The following CHSY3 variants were observed in gnomAD, a reference collection of about 807,000 sequenced individuals.
CHSY3 encodes chondroitin sulfate synthase 3.
Under a neutral mutation model 67.2 loss-of-function variants are expected in CHSY3, and 35 were observed. The ratio of observed to expected loss-of-function variants is 0.52; its 90% confidence interval spans 0.40 to 0.69. The LOEUF (loss-of-function observed/expected upper bound fraction) is 0.69. CHSY3 is among the 30% of genes least tolerant of loss of function. CHSY3 has a pLI of 0.00. For missense variants in CHSY3, 1,069 were observed against 1,138.5 expected (o/e 0.94, Z 0.88); for synonymous variants, 474 against 434.7 (o/e 1.09, Z -1.12).
chr5:129,986,644 T>G (rs954365178), intron 2 of CHSY3, among the ~76,000 whole-genome samples: 1 of 152,100 alleles, frequency 6.6e-6, no homozygotes, highest in Non-Finnish European at 1.5e-5. Flanking sequence ...TTTATTTTAT[T>G]TATTTATTTA....
intron 2 of CHSY3, among the ~76,000 whole-genome samples, chr5:130,175,011 G>T (rs1229122989): frequency 1.3e-5 from 2 of 152,080 alleles, no homozygotes; most frequent in Admixed American, 1.3e-4. Flanking sequence ...CACTATTATT[G>T]TATGGGAATC....
intron 2 of CHSY3, among the ~76,000 whole-genome samples, chr5:129,961,404 A>G (rs1433546060): frequency 6.6e-6 from 1 of 151,972 alleles, no homozygotes; most frequent in African/African-American, 2.4e-5. Flanking sequence ...TTCAAATTGA[A>G]CTCTCATTTG....
At chr5:130,108,404 G>A (rs17692371) in intron 2 of CHSY3, among the ~76,000 whole-genome samples, 40,192 of 151,224 alleles carry the variant, frequency 0.27, 5,880 homozygotes, top group African/African-American at 0.39. Flanking sequence ...TCCAGAGTCT[G>A]TGCAAAGTAC....
At chr5:130,177,342 G>A (rs1770087016) in intron 2 of CHSY3, among the ~76,000 whole-genome samples, 1 of 151,862 alleles carries the variant, frequency 6.6e-6, no homozygotes, top group Non-Finnish European at 1.5e-5. Flanking sequence ...CTTCTGACCT[G>A]CTGAAATATC....
chr5:130,039,001 A>T (rs958195087), intron 2 of CHSY3, among the ~76,000 whole-genome samples: 10 of 152,174 alleles, frequency 6.6e-5, no homozygotes, highest in Non-Finnish European at 4.4e-5. Context: ...ATATTTCTAT[A>T]TCGTAACAGT....
At chr5:130,060,722 C>G (rs1765684379) in intron 2 of CHSY3, among the ~76,000 whole-genome samples, 1 of 152,052 alleles carries the variant, frequency 6.6e-6, no homozygotes, top group Non-Finnish European at 1.5e-5. Flanking sequence ...TTTCAGGATA[C>G]AAAAATCAGT....
chr5:130,044,277 A>G (rs1765083089), intron 2 of CHSY3, among the ~76,000 whole-genome samples: 1 of 152,234 alleles, frequency 6.6e-6, no homozygotes. Context: ...GGAGACCAAG[A>G]GAGCGGAGTG....
At chr5:129,983,792 AG>A (rs1763091823) in intron 2 of CHSY3, among the ~76,000 whole-genome samples, 1 of 152,120 alleles carries the variant, frequency 6.6e-6, no homozygotes, top group Non-Finnish European at 1.5e-5. Context: ...TCCAGCTTCC[AG>A]GAAATGAATT....
rs1212706558 is a variant in CHSY3, at chr5:130,186,320, A to G, written c.*529A>G. 1 of 152,620 alleles carries G rather than the reference A, an allele frequency of 6.6e-6. No homozygotes were observed. Among genetic ancestry groups the G allele is most frequent in the Non-Finnish European group, 1.5e-5 (1 of 68,040 alleles). 9.5% of individuals were successfully genotyped at this position (152,620 alleles called of 1,614,324 possible). A position where few individuals can be genotyped will look rare whatever the true frequency, so the allele number is the denominator to read the frequency against. ...AATTTTCTTCATCTTTAGAATTTTTAAAGTAAATGAATACCTATGATTGTA... is the reference window on the plus strand; with the variant it reads ...AATTTTCTTCATCTTTAGAATTTTTGAAGTAAATGAATACCTATGATTGTA... On this transcript the variant is annotated 3_prime_UTR_variant, in exon 3 of 3. Coordinates refer to ENST00000305031, the MANE Select transcript of CHSY3 (RefSeq NM_175856.5).
chr5:130,024,772 A>T (rs1036494017), intron 2 of CHSY3, among the ~76,000 whole-genome samples: 3 of 152,196 alleles, frequency 2.0e-5, no homozygotes, highest in Non-Finnish European at 4.4e-5. Context: ...AGATAGACTA[A>T]TTCAGACTGC....
At position 129,985,234 on chromosome 5, in the gene CHSY3, C is replaced by T. The variant is rs546966115; in HGVS notation, c.1086+76874C>T. Among the ~76,000 whole-genome samples, 6 of 152,268 alleles carry T rather than the reference C, an allele frequency of 3.9e-5. No homozygotes were observed. In the East Asian group the frequency reaches 1.2e-3, roughly 29 times the overall value. On this transcript the variant is annotated intron_variant, in intron 2 of 2. Transcript: ENST00000305031. Reference sequence around the variant, plus strand: ...AAGCCAAGAGTCTAGTTTTAGTCTTCTGCATATGGCTAGCCAGTCATCCCA... The same window carrying T: ...AAGCCAAGAGTCTAGTTTTAGTCTTTTGCATATGGCTAGCCAGTCATCCCA...
At chr5:130,125,123 T>C (rs929893973) in intron 2 of CHSY3, among the ~76,000 whole-genome samples, 1 of 152,150 alleles carries the variant, frequency 6.6e-6, no homozygotes, top group African/African-American at 2.4e-5. Flanking sequence ...AAAATGCAAG[T>C]TGAATCTCAC....
intron 2 of CHSY3, among the ~76,000 whole-genome samples, chr5:129,990,375 T>TGA (rs1005283527): frequency 1.5e-5 from 1 of 65,238 alleles, no homozygotes; most frequent in Non-Finnish European, 3.1e-5. Flanking sequence ...TGTGAGTGAG[T>TGA]GAGTGTGTGT....
chr5:130,174,804 C>T (rs1769995607), intron 2 of CHSY3, among the ~76,000 whole-genome samples: 1 of 152,176 alleles, frequency 6.6e-6, no homozygotes, highest in East Asian at 1.9e-4. Context: ...AATAGTTAAA[C>T]TGAGGCACAA....
At chr5:129,964,498 C>G (rs1319497625) in intron 2 of CHSY3, among the ~76,000 whole-genome samples, 2 of 151,810 alleles carry the variant, frequency 1.3e-5, no homozygotes, top group Non-Finnish European at 2.9e-5. Flanking sequence ...AGTGTGCATT[C>G]AGATATAGGA....
intron 2 of CHSY3, among the ~76,000 whole-genome samples, chr5:129,920,547 G>C (rs146468392): frequency 0.011 from 1,704 of 152,044 alleles, 39 homozygotes; most frequent in African/African-American, 0.038. Flanking sequence ...CCCAGCCAAG[G>C]AATTGGTTTC....
intron 2 of CHSY3, among the ~76,000 whole-genome samples, chr5:130,139,581 AATGAG>A (rs1422464975): frequency 7.2e-5 from 11 of 152,340 alleles, no homozygotes; most frequent in Admixed American, 2.0e-4. Flanking sequence ...CTGTGCTGCT[AATGAG>A]AACATGTGGC....
chr5:130,005,647 A>G (rs1763854386), intron 2 of CHSY3, among the ~76,000 whole-genome samples: 1 of 152,138 alleles, frequency 6.6e-6, no homozygotes, highest in African/African-American at 2.4e-5. Context: ...GGGTGATTCC[A>G]GTAGGATGTC....
At chr5:130,045,384 T>C (rs986327488) in intron 2 of CHSY3, among the ~76,000 whole-genome samples, 1 of 152,050 alleles carries the variant, frequency 6.6e-6, no homozygotes, top group Admixed American at 6.6e-5. Flanking sequence ...GAACATTTAG[T>C]GATCATAGAC....
Sources: gnomAD v4.1 joint callset for allele counts (sites outside exome capture counted in the v4.1 genomes callset) on GRCh38, gnomAD v4.1.1 for gene constraint, MANE v1.5 for transcripts, NCBI Gene and HGNC (gene_info 2026-07-23, HGNC 2026-07-21) for gene names.